Variants in ZNF292 observed in about 807,000 individuals in gnomAD.
ZNF292 encodes zinc finger protein 292.
ZNF292 carries 26 observed loss-of-function variants against 217.9 expected under a neutral mutation model. The ratio of observed to expected loss-of-function variants is 0.12; its 90% CI spans 0.09 to 0.17. The LOEUF (loss-of-function observed/expected upper bound fraction) is 0.17. ZNF292 is among the 10% of genes least tolerant of loss of function. ZNF292 has a pLI of 1.00. For synonymous variants in ZNF292, 1,257 were observed against 1,124.1 expected (o/e 1.12, Z -2.37); for missense variants, 2,904 against 3,175.2 (o/e 0.91, Z 2.05).
chr6:87,204,553 G>GTTTTTTT (rs1562138301), intron 1 of ZNF292, among the ~76,000 whole-genome samples: 4 of 65,688 alleles, frequency 6.1e-5, no homozygotes, highest in African/African-American at 1.9e-4. Flanking sequence ...TAACATTTAG[G>GTTTTTTT]ATTTTTTTTT....
chr6:87,176,363 A>G (rs1253681599), intron 1 of ZNF292, among the ~76,000 whole-genome samples: 1 of 152,218 alleles, frequency 6.6e-6, no homozygotes, highest in Non-Finnish European at 1.5e-5. Context: ...GAGCTTAACA[A>G]GGCCTGTTTG....
chr6:87,195,188 G>T (rs1771920204), intron 1 of ZNF292, among the ~76,000 whole-genome samples: 1 of 152,174 alleles, frequency 6.6e-6, no homozygotes, highest in Non-Finnish European at 1.5e-5. Flanking sequence ...AAAGTAAAAT[G>T]TTGAAGAATA....
intron 1 of ZNF292, among the ~76,000 whole-genome samples, chr6:87,176,185 A>G (rs145231893): frequency 7.8e-4 from 119 of 152,358 alleles, no homozygotes; most frequent in African/African-American, 2.8e-3. Context: ...AAAATAACAC[A>G]AATTTATTTA....
At chr6:87,199,199 G>C (rs929467496) in intron 1 of ZNF292, among the ~76,000 whole-genome samples, 63 of 152,190 alleles carry the variant, frequency 4.1e-4, no homozygotes, top group African/African-American at 1.4e-3. Flanking sequence ...AGCCATTCTA[G>C]TGGATGTGGT....
intron 1 of ZNF292, among the ~76,000 whole-genome samples, chr6:87,172,593 CCT>C (rs1349783823): frequency 2.6e-5 from 4 of 151,836 alleles, no homozygotes; most frequent in Admixed American, 6.6e-5. Flanking sequence ...CAATAAATGC[CCT>C]GAGTTTTTCT....
intron 3 of ZNF292, 95 bp from the exon 4 acceptor site, chr6:87,218,501 A>C (rs1169676632): frequency 2.3e-5 from 23 of 995,900 alleles, no homozygotes; most frequent in Middle Eastern, 2.5e-4. Flanking sequence ...TTAAGATGAA[A>C]GTCTTTTCAG....
intron 1 of ZNF292, among the ~76,000 whole-genome samples, chr6:87,164,671 T>G (rs9362399): frequency 0.12 from 17,681 of 152,120 alleles, 1,167 homozygotes; most frequent in African/African-American, 0.17. Context: ...CAAAAGTCAT[T>G]CGCATTCCTG....
chr6:87,253,242 T>TTTTTTA (rs1197544803), intron 7 of ZNF292, among the ~76,000 whole-genome samples: 8 of 134,722 alleles, frequency 5.9e-5, no homozygotes, highest in African/African-American at 1.2e-4. Flanking sequence ...TTTTTTTTTT[T>TTTTTTA]GAGACAGGGT....
At position 87,216,210 on chromosome 6, in the gene ZNF292, G is replaced by A; in HGVS notation, c.324-89G>A. The A allele has an allele frequency of 2.3e-6, 3 of 1,330,544 alleles. No individual in the cohort carries two copies. In the South Asian group the frequency reaches 4.0e-5, roughly 18 times the overall value. The allele number at this position is 1,330,544 out of a possible 1,614,324, so 82.4% of individuals were successfully genotyped here. A position where few individuals can be genotyped will look rare whatever the true frequency, so the allele number is the denominator to read the frequency against. On this transcript the variant is annotated intron_variant, in intron 2 of 7. Transcript: ENST00000369577. The stretch of plus-strand genomic sequence containing the variant: ...ATTTTAAATAGATTAGTTATGGGGA[G>A]TCTGCTTATGATACTAGAATTACTG...
intron 1 of ZNF292, among the ~76,000 whole-genome samples, chr6:87,207,261 T>A (rs1003345261): frequency 4.6e-5 from 7 of 152,348 alleles, no homozygotes; most frequent in African/African-American, 1.2e-4. Flanking sequence ...TGTACTTTTT[T>A]AAGCTGTAAC....
At chr6:87,212,255 TC>T (rs1341601093) in intron 1 of ZNF292, among the ~76,000 whole-genome samples, 3 of 152,180 alleles carry the variant, frequency 2.0e-5, no homozygotes, top group Non-Finnish European at 4.4e-5. Flanking sequence ...TGTGCCACCT[TC>T]CCAGCACATG....
chr6:87,211,932 C>A (rs1045525144), intron 1 of ZNF292, among the ~76,000 whole-genome samples: 1 of 152,102 alleles, frequency 6.6e-6, no homozygotes, highest in Non-Finnish European at 1.5e-5. Context: ...TATAGACATT[C>A]ATTCATTCTT....
chr6:87,165,811 T>G (rs1770893814), intron 1 of ZNF292, among the ~76,000 whole-genome samples: 1 of 148,106 alleles, frequency 6.8e-6, no homozygotes, highest in Non-Finnish European at 1.5e-5. Context: ...CAGGCTGGAG[T>G]GCAGTGGCGT....
At chr6:87,216,540 A>G (rs1387998341) in intron 3 of ZNF292, among the ~76,000 whole-genome samples, 163 bp downstream of exon 3, 2 of 150,064 alleles carry the variant, frequency 1.3e-5, no homozygotes, top group Admixed American at 1.3e-4. Flanking sequence ...ATCTCAACAA[A>G]TGTTTGCTAA....
chr6:87,260,974 A>G lies in ZNF292; in HGVS notation c.7345A>G (p.Lys2449Glu). The G allele has an allele frequency of 6.2e-7, 1 of 1,609,300 alleles. No homozygotes were observed. Among genetic ancestry groups the G allele is most frequent in the African/African-American group, 1.3e-5 (1 of 74,978 alleles). Residue 2449 changes from lysine (K) to glutamate (E), a missense_variant, in exon 8 of 8, where the codon AAA becomes GAA. Physicochemically the swap from Lys to Glu is moderately conservative, Grantham distance 56 (BLOSUM62 1). Coordinates refer to ENST00000369577, the MANE Select transcript of ZNF292 (RefSeq NM_015021.3). ...GCAAGAAGGTGCTAAGAATGATGTGAAAGATTCTGACACGTGTGTATCAGA... is the reference window on the plus strand; with the variant it reads ...GCAAGAAGGTGCTAAGAATGATGTGGAAGATTCTGACACGTGTGTATCAGA... ...SEQEGAKNDV[K>E]DSDTCVSESN...
chr6:87,164,821 G>A (rs1770862590), intron 1 of ZNF292, among the ~76,000 whole-genome samples: 1 of 97,250 alleles, frequency 1.0e-5, no homozygotes, highest in Non-Finnish European at 1.9e-5. Context: ...GGAGTGCAGT[G>A]GGGTGATCTC....
chr6:87,241,804 C>T (rs966887899), intron 5 of ZNF292, among the ~76,000 whole-genome samples: 1 of 152,176 alleles, frequency 6.6e-6, no homozygotes, highest in Non-Finnish European at 1.5e-5. Context: ...GGTGGTCCCC[C>T]AATTTATGAT....
At chr6:87,240,024 G>T (rs897742880) in intron 5 of ZNF292, among the ~76,000 whole-genome samples, 1 of 152,110 alleles carries the variant, frequency 6.6e-6, no homozygotes, top group East Asian at 1.9e-4. Context: ...AGGTTGTAGC[G>T]AGCCGAGATC....
rs1459296322 is a variant in ZNF292 at position 87,256,674 on chromosome 6, C to A, written c.3045C>A (p.Asp1015Glu). 1 of 1,613,402 alleles carries A rather than the reference C, an allele frequency of 6.2e-7. No individual in the cohort carries two copies. The highest frequency in any genetic ancestry group is 1.1e-5 in the South Asian group (1 of 91,074). The change falls in exon 8 of 8, where the codon GAC (aspartate) becomes GAA (glutamate). Residue 1015 changes from aspartate to glutamate, a missense_variant. Coordinates refer to ENST00000369577, the MANE Select transcript of ZNF292 (RefSeq NM_015021.3). ...ATTCAGAAACTCTCAAAATAGGTGA[C>A]CTTACCCCACAAAACTTAGAAAGAC... Reference protein sequence around the residue: ...LVNSETLKIGDLTPQNLERQV... With the variant: ...LVNSETLKIGELTPQNLERQV...
Sources: gnomAD v4.1 joint callset for allele counts (sites outside exome capture counted in the v4.1 genomes callset) on GRCh38, gnomAD v4.1.1 for gene constraint, MANE v1.5 for transcripts, NCBI Gene and HGNC (gene_info 2026-07-23, HGNC 2026-07-21) for gene names.